The following MDGA2 variants were observed in gnomAD, a reference collection of about 807,000 sequenced individuals.
MDGA2 encodes MAM domain containing glycosylphosphatidylinositol anchor 2.
A neutral mutation model predicts 117.8 loss-of-function variants in MDGA2; 40 were observed. The ratio of observed to expected loss-of-function variants is 0.34; its 90% CI spans 0.26 to 0.44. The LOEUF (loss-of-function observed/expected upper bound fraction) is 0.44. Among genes scored for constraint, MDGA2 ranks in the 20% least tolerant of loss-of-function variants. MDGA2 has a pLI of 1.00. For missense variants in MDGA2, 1,123 were observed against 1,250.6 expected (o/e 0.90, Z 1.54); for synonymous variants, 452 against 439.0 (o/e 1.03, Z -0.37).
chr14:46,940,242 C>A (rs2138578560), intron 9 of MDGA2, among the ~76,000 whole-genome samples: 1 of 152,218 alleles, frequency 6.6e-6, no homozygotes, highest in African/African-American at 2.4e-5. Flanking sequence ...ACTACAAGTA[C>A]TTTGTTAAAT....
intron 10 of MDGA2, among the ~76,000 whole-genome samples, chr14:46,896,268 A>C (rs1330753684): frequency 6.6e-6 from 1 of 152,158 alleles, no homozygotes; most frequent in African/African-American, 2.4e-5. Flanking sequence ...TAAAAAATTT[A>C]ATTCTCAAAG....
At chr14:47,508,501 C>T (rs1158681068) in intron 1 of MDGA2, among the ~76,000 whole-genome samples, 1 of 151,988 alleles carries the variant, frequency 6.6e-6, no homozygotes, top group Non-Finnish European at 1.5e-5. Context: ...AAAGTCTCCA[C>T]GTATAAGTAA....
intron 1 of MDGA2, among the ~76,000 whole-genome samples, chr14:47,354,951 C>G (rs2138356147): frequency 6.6e-6 from 1 of 152,242 alleles, no homozygotes; most frequent in African/African-American, 2.4e-5. Flanking sequence ...CCCAGAAACC[C>G]TCAACCTTGA....
chr14:47,596,333 G>C lies in MDGA2; in HGVS notation c.280+78184C>G, dbSNP rs1028481400. ...ACTTTAAGCATTTGACTCACCCTAAGAACTGAAACCTGAAAACAGATAAAG... is the reference window on the plus strand; with the variant it reads ...ACTTTAAGCATTTGACTCACCCTAACAACTGAAACCTGAAAACAGATAAAG... On this transcript the variant is annotated intron_variant, in intron 1 of 16. Transcript: ENST00000399232. Among the ~76,000 whole-genome samples, 3 of 152,132 alleles carry C rather than the reference G, an allele frequency of 2.0e-5. No individual in the cohort carries two copies. In the South Asian group the frequency reaches 6.2e-4, roughly 31 times the overall value.
At chr14:47,157,452 C>A (rs955111992) in intron 3 of MDGA2, among the ~76,000 whole-genome samples, 2 of 152,078 alleles carry the variant, frequency 1.3e-5, no homozygotes, top group African/African-American at 4.8e-5. Flanking sequence ...GCATATTATT[C>A]TAGAGAAAGA....
At chr14:47,220,894 T>C (rs930446086) in intron 2 of MDGA2, among the ~76,000 whole-genome samples, 3 of 152,178 alleles carry the variant, frequency 2.0e-5, no homozygotes, top group Admixed American at 2.0e-4. Context: ...AATAAAAATA[T>C]TCAGTGATAT....
intron 1 of MDGA2, among the ~76,000 whole-genome samples, chr14:47,421,926 G>C (rs1190009525): frequency 6.6e-6 from 1 of 151,450 alleles, no homozygotes; most frequent in Non-Finnish European, 1.5e-5. Context: ...TTTTTTTCAA[G>C]TTAAAAAAAA....
chr14:47,135,412 A>G (rs72680207), intron 4 of MDGA2, among the ~76,000 whole-genome samples: 9,544 of 152,098 alleles, frequency 0.063, 375 homozygotes, highest in East Asian at 0.17. Flanking sequence ...AAAATCACCA[A>G]TAGTATTATA....
intron 5 of MDGA2, among the ~76,000 whole-genome samples, chr14:47,121,748 G>A (rs1475963743): frequency 6.6e-6 from 1 of 152,026 alleles, no homozygotes; most frequent in Non-Finnish European, 1.5e-5. Flanking sequence ...ATGCCTTACA[G>A]CTTGGAGAAG....
chr14:47,048,319 A>C (rs182144357), intron 7 of MDGA2, among the ~76,000 whole-genome samples: 2 of 152,242 alleles, frequency 1.3e-5, no homozygotes, highest in East Asian at 3.9e-4. Context: ...TAAATTATAC[A>C]TCAAAGGCAT....
intron 2 of MDGA2, among the ~76,000 whole-genome samples, chr14:47,245,169 ACATGCCAT>A (rs1887196137): frequency 6.6e-6 from 1 of 151,704 alleles, no homozygotes; most frequent in South Asian, 2.1e-4. Context: ...GACTACAGGC[ACATGCCAT>A]CATGCCTCAC....
At chr14:46,985,157 G>A (rs762426813) in intron 8 of MDGA2, among the ~76,000 whole-genome samples, 2 of 151,982 alleles carry the variant, frequency 1.3e-5, no homozygotes, top group African/African-American at 2.4e-5. Flanking sequence ...TCAATTCCTA[G>A]TTTGCATTTT....
chr14:47,456,924 G>A (rs539464915), intron 1 of MDGA2, among the ~76,000 whole-genome samples: 1 of 151,810 alleles, frequency 6.6e-6, no homozygotes, highest in African/African-American at 2.4e-5. Flanking sequence ...AAACCCTCAT[G>A]CTCTATGTAG....
chr14:47,600,695 C>A (rs181444773), intron 1 of MDGA2, among the ~76,000 whole-genome samples: 4,596 of 149,784 alleles, frequency 0.031, 239 homozygotes, highest in African/African-American at 0.11. Flanking sequence ...GTAAACTACA[C>A]GAGTTGTGTC....
At chr14:47,297,819 G>A (rs765389877) in intron 2 of MDGA2, among the ~76,000 whole-genome samples, 6 of 152,052 alleles carry the variant, frequency 3.9e-5, no homozygotes, top group Non-Finnish European at 5.9e-5. Flanking sequence ...GCAGGATATA[G>A]GAATGCTAAA....
intron 3 of MDGA2, among the ~76,000 whole-genome samples, chr14:47,158,573 T>C (rs187839451): frequency 4.6e-5 from 7 of 150,846 alleles, no homozygotes; most frequent in Admixed American, 4.0e-4. Flanking sequence ...CTCTGCCTCC[T>C]GTTCAAGTGA....
chr14:47,591,244 T>A (rs1367508465), intron 1 of MDGA2, among the ~76,000 whole-genome samples: 1 of 152,252 alleles, frequency 6.6e-6, no homozygotes, highest in Non-Finnish European at 1.5e-5. Context: ...CTCCCATTCA[T>A]GCTCTCACAC....
chr14:47,047,647 TGTTA>T (rs1377998848), intron 7 of MDGA2, among the ~76,000 whole-genome samples: 1 of 152,068 alleles, frequency 6.6e-6, no homozygotes, highest in Non-Finnish European at 1.5e-5. Context: ...TATATTAATA[TGTTA>T]GTTATTACTA....
At chr14:47,419,696 C>G (rs1293629509) in intron 1 of MDGA2, among the ~76,000 whole-genome samples, 3 of 151,810 alleles carry the variant, frequency 2.0e-5, no homozygotes, top group African/African-American at 7.3e-5. Flanking sequence ...AGAAAATATA[C>G]TATATCTCTG....
Sources: allele counts gnomAD v4.1 joint callset (sites outside exome capture counted in the v4.1 genomes callset), GRCh38; gene constraint gnomAD v4.1.1; transcripts MANE v1.5; gene names NCBI Gene and HGNC (gene_info 2026-07-23, HGNC 2026-07-21).